MYCBP2: variants seen among roughly 807,000 people sequenced by gnomAD.
MYCBP2 encodes the protein E3 ubiquitin-protein ligase MYCBP2.
Under a neutral mutation model 525.3 loss-of-function variants are expected in MYCBP2, and 120 were observed. The ratio of observed to expected loss-of-function variants is 0.23; its 90% CI spans 0.20 to 0.27. The LOEUF is 0.27. MYCBP2 is among the 10% of genes least tolerant of loss of function. The probability of loss-of-function intolerance (pLI) is 1.00; values close to 1 mark genes in which losing one functional copy is unlikely to be tolerated. For synonymous variants in MYCBP2, 1,894 were observed against 1,955.8 expected (o/e 0.97, Z 0.83); for missense variants, 4,149 against 5,657.1 (o/e 0.73, Z 8.55).
chr13:77,131,555 T>G (rs1009531433), intron 52 of MYCBP2, among the ~76,000 whole-genome samples: 5 of 151,700 alleles, frequency 3.3e-5, no homozygotes, highest in African/African-American at 1.2e-4. Flanking sequence ...AATAGTGTTC[T>G]TTGGAAATTT....
intron 8 of MYCBP2, among the ~76,000 whole-genome samples, chr13:77,265,552 A>T (rs56148247): frequency 0.021 from 3,259 of 152,258 alleles, 60 homozygotes; most frequent in Non-Finnish European, 0.034. Flanking sequence ...ATACTTTTTA[A>T]ATAAACTATA....
At chr13:77,280,424 GA>G in intron 3 of MYCBP2, among the ~76,000 whole-genome samples, 1 of 152,182 alleles carries the variant, frequency 6.6e-6, no homozygotes, top group Non-Finnish European at 1.5e-5. Flanking sequence ...ACAGGAAAGA[GA>G]AATGTGAAGT....
At chr13:77,231,381 C>T (rs2067112472) in intron 18 of MYCBP2, among the ~76,000 whole-genome samples, 1 of 152,150 alleles carries the variant, frequency 6.6e-6, no homozygotes. Flanking sequence ...CAGGCATGTG[C>T]CACCACACTG....
At chr13:77,142,431 A>G (rs2154185242) in intron 49 of MYCBP2, among the ~76,000 whole-genome samples, 1 of 152,332 alleles carries the variant, frequency 6.6e-6, no homozygotes, top group Middle Eastern at 3.4e-3. Flanking sequence ...TGAACTGGAT[A>G]TATCTGAGTC....
chr13:77,305,834 A>G (rs987144330), intron 1 of MYCBP2, among the ~76,000 whole-genome samples: 2 of 152,170 alleles, frequency 1.3e-5, no homozygotes, highest in Non-Finnish European at 2.9e-5. Context: ...TTAAAACTCA[A>G]CAACCACTAG....
At position 77,066,014 on chromosome 13, in the gene MYCBP2, T is replaced by C. The variant is rs143594658; in HGVS notation, c.12530A>G (p.Lys4177Arg). The change falls in exon 72 of 83, where the codon AAA becomes AGA. Residue 4177 changes from lysine (K) to arginine (R), a missense_variant. By Grantham distance (26) the Lys-to-Arg change is conservative. This residue lies in a region of MYCBP2 where 148 missense variants were observed against 179.4 expected (regional missense o/e 0.82). Coordinates refer to ENST00000544440, the MANE Select transcript of MYCBP2 (RefSeq NM_015057.5). ...TACTGCTGCCATATCCTTGATAAGTTTAATGATGATCTCTGAGATCTGGGT... is the reference window on the plus strand; with the variant it reads ...TACTGCTGCCATATCCTTGATAAGTCTAATGATGATCTCTGAGATCTGGGT... ...TPTQISEIII[K>R]LIKDMAAGHL... 16 of 1,612,976 alleles carry C rather than the reference T, an allele frequency of 9.9e-6. No individual in the cohort carries two copies. The highest frequency in any genetic ancestry group is 1.4e-5 in the Non-Finnish European group (16 of 1,179,322).
At chr13:77,082,049 A>G (rs1206731710) in intron 63 of MYCBP2, 56 bp from the exon 64 acceptor site, 1 of 1,519,968 alleles carries the variant, frequency 6.6e-7, no homozygotes, top group Non-Finnish European at 9.0e-7. Flanking sequence ...GGAACATCTA[A>G]GGAACTCTTA....
chr13:77,208,817 A>G (rs2063653507), intron 23 of MYCBP2, among the ~76,000 whole-genome samples: 1 of 152,186 alleles, frequency 6.6e-6, no homozygotes, highest in Non-Finnish European at 1.5e-5. Context: ...AAATTCACAT[A>G]TTATTTGTGT....
intron 17 of MYCBP2, among the ~76,000 whole-genome samples, chr13:77,238,856 C>G (rs1225707593): frequency 6.6e-6 from 1 of 152,172 alleles, no homozygotes; most frequent in Non-Finnish European, 1.5e-5. Flanking sequence ...CCAGGCCGAG[C>G]GCAGTGGCTC....
chr13:77,286,529 G>A (rs189108942), intron 3 of MYCBP2, among the ~76,000 whole-genome samples: 16 of 150,756 alleles, frequency 1.1e-4, no homozygotes, highest in Admixed American at 7.9e-4. Context: ...CGAGGCAGGC[G>A]GATCACGAGG....
chr13:77,087,379 TCAAG>T, intron 62 of MYCBP2, 101 bp downstream of exon 62: 1 of 1,016,918 alleles, frequency 9.8e-7, no homozygotes, highest in Admixed American at 2.6e-5. Flanking sequence ...CTTTTTGCTT[TCAAG>T]TTAGATCTGC....
At chr13:77,255,343 C>T (rs886496732) in intron 14 of MYCBP2, among the ~76,000 whole-genome samples, 2 of 151,924 alleles carry the variant, frequency 1.3e-5, no homozygotes, top group Non-Finnish European at 2.9e-5. Flanking sequence ...TAATTCATTA[C>T]TTACCAGCAG....
At chr13:77,123,198 A>C (rs1007053779) in intron 54 of MYCBP2, among the ~76,000 whole-genome samples, 3 of 152,182 alleles carry the variant, frequency 2.0e-5, no homozygotes, top group Non-Finnish European at 2.9e-5. Context: ...ACATCAACTA[A>C]TCTTAGTGAT....
At chr13:77,170,162 T>C (rs773588556) in intron 38 of MYCBP2, among the ~76,000 whole-genome samples, 2 of 152,232 alleles carry the variant, frequency 1.3e-5, no homozygotes, top group African/African-American at 2.4e-5. Context: ...ATTTGGATGT[T>C]GGGAAGATTA....
intron 49 of MYCBP2, 89 bp downstream of exon 49, chr13:77,144,356 G>C (rs962497762): frequency 2.3e-6 from 2 of 870,326 alleles, no homozygotes; most frequent in Admixed American, 1.9e-5. Flanking sequence ...TATGTCTAGT[G>C]CAAGTTAATG....
At chr13:77,241,332 C>A (rs9593216) in intron 17 of MYCBP2, among the ~76,000 whole-genome samples, 13,768 of 151,884 alleles carry the variant, frequency 0.091, 796 homozygotes, top group African/African-American at 0.16. Flanking sequence ...CAAGATACAC[C>A]GCATTAGGCA....
chr13:77,270,500 T>C lies in MYCBP2; in HGVS notation c.984A>G (p.Gln328=), dbSNP rs781029498. The change falls in exon 6 of 83, where the codon CAA becomes CAG. Residue 328 remains glutamine (Q), a synonymous_variant. Coordinates refer to ENST00000544440, the MANE Select transcript of MYCBP2 (RefSeq NM_015057.5). ...TILNSLQRSV[Q]AVLVGKIQIQ... is the part of the protein sequence containing the mutation. Reference sequence around the variant, plus strand: ...TTTGAATTTTTCCCACCAAAACTGCTTGTACACTTCTCTGTAGCGAATTTA... The same window carrying C: ...TTTGAATTTTTCCCACCAAAACTGCCTGTACACTTCTCTGTAGCGAATTTA... The C allele has an allele frequency of 6.2e-7, 1 of 1,613,454 alleles. No homozygotes were observed. The highest frequency in any genetic ancestry group is 2.2e-5 in the East Asian group (1 of 44,788).
At chr13:77,221,983 T>A (rs373580383) in intron 20 of MYCBP2, among the ~76,000 whole-genome samples, 5 of 152,218 alleles carry the variant, frequency 3.3e-5, no homozygotes, top group African/African-American at 1.2e-4. Context: ...ACCATGTTAA[T>A]AGTTGTTATA....
chr13:77,223,702 T>C (rs147986932), intron 20 of MYCBP2, among the ~76,000 whole-genome samples: 129 of 152,294 alleles, frequency 8.5e-4, no homozygotes, highest in Middle Eastern at 3.4e-3. Flanking sequence ...ATCTCTGTGA[T>C]GACTTCTTTA....
Sources: gnomAD v4.1 joint callset for allele counts (sites outside exome capture counted in the v4.1 genomes callset) on GRCh38, gnomAD v4.1.1 for gene constraint, gnomAD v4.1.1 regional missense constraint, MANE v1.5 for transcripts, NCBI Gene and HGNC (gene_info 2026-07-23, HGNC 2026-07-21) for gene names.